Variants in SEZ6L observed in about 807,000 individuals in gnomAD.
SEZ6L encodes the protein seizure 6-like protein.
Under a neutral mutation model 106.2 loss-of-function variants are expected in SEZ6L, and 37 were observed. The observed-to-expected ratio is 0.35, with a 90% confidence interval of 0.27 to 0.46. The LOEUF is 0.46. Ranked by LOEUF, SEZ6L falls within the 20% of genes least tolerant of loss-of-function variation. The pLI, the probability that SEZ6L is intolerant of heterozygous loss-of-function variation, is 1.00. For missense variants in SEZ6L, 1,172 were observed against 1,332.8 expected (o/e 0.88, Z 1.88); for synonymous variants, 541 against 570.4 (o/e 0.95, Z 0.73).
Position 26,351,064 on chromosome 22 carries a change from C to G in SEZ6L, c.2420C>G (p.Thr807Ser). Residue 807 changes from threonine to serine, a missense_variant, in exon 12 of 17, where the codon ACC becomes AGC. Physicochemically the swap from Thr to Ser is moderately conservative, Grantham distance 58. Coordinates refer to ENST00000248933, the MANE Select transcript of SEZ6L (RefSeq NM_021115.5). ...TCATCCCGTGTAGTTATGTACTGCA[C>G]CGACCCCGGAGAGGTGGATCACTCG... ...PPFCEKIMYCTDPGEVDHSTR... is the reference protein window; with the variant it reads ...PPFCEKIMYCSDPGEVDHSTR... 6.2e-7 allele frequency: 1 copy of G among 1,613,626 alleles called. No homozygotes were observed. The highest frequency in any genetic ancestry group is 8.5e-7 in the Non-Finnish European group (1 of 1,179,828).
chr22:26,224,318 G>A (rs1219713408), intron 1 of SEZ6L, among the ~76,000 whole-genome samples: 1 of 152,234 alleles, frequency 6.6e-6, no homozygotes, highest in Non-Finnish European at 1.5e-5. Context: ...GGGGCAGAAG[G>A]AGACCTGAAC....
intron 1 of SEZ6L, among the ~76,000 whole-genome samples, chr22:26,208,565 A>C (rs1446586983): frequency 6.6e-6 from 1 of 152,210 alleles, no homozygotes; most frequent in African/African-American, 2.4e-5. Context: ...GTTTCAACTT[A>C]TCATGCATAT....
intron 1 of SEZ6L, among the ~76,000 whole-genome samples, chr22:26,204,944 C>A (rs533091399): frequency 6.6e-6 from 1 of 152,354 alleles, no homozygotes; most frequent in Non-Finnish European, 1.5e-5. Flanking sequence ...CACTTCAAAC[C>A]TATGTGACAT....
chr22:26,197,093 C>G lies in SEZ6L; in HGVS notation c.94+27330C>G, dbSNP rs545685246. Among the ~76,000 whole-genome samples, 36 of 152,232 alleles carry G rather than the reference C, an allele frequency of 2.4e-4. No homozygotes were observed. In the East Asian group the frequency reaches 4.6e-3, roughly 20 times the overall value. ...TACACCCACTTCCATACAGACACTA[C>G]TTCTTTCACATCATCTTATTTTATT... On this transcript the variant is annotated intron_variant, in intron 1 of 16. Transcript: ENST00000248933.
intron 1 of SEZ6L, among the ~76,000 whole-genome samples, chr22:26,259,390 G>A (rs187633381): frequency 1.3e-5 from 2 of 152,312 alleles, no homozygotes; most frequent in East Asian, 3.9e-4. Context: ...ATCTGAGGAG[G>A]AGAGAAAGGT....
intron 1 of SEZ6L, among the ~76,000 whole-genome samples, chr22:26,254,399 C>G (rs974494): frequency 0.38 from 56,894 of 151,674 alleles, 11,521 homozygotes; most frequent in East Asian, 0.67. Context: ...GAAGCAGAAA[C>G]GGAGAGCAGG....
intron 9 of SEZ6L, among the ~76,000 whole-genome samples, chr22:26,329,108 T>C (rs554347066): frequency 6.6e-6 from 1 of 152,024 alleles, no homozygotes; most frequent in South Asian, 2.1e-4. Flanking sequence ...TTGGTGAATA[T>C]TTTTGGAGAG....
intron 1 of SEZ6L, among the ~76,000 whole-genome samples, chr22:26,175,691 G>C (rs945550092): frequency 1.3e-5 from 2 of 152,182 alleles, no homozygotes; most frequent in Non-Finnish European, 2.9e-5. Flanking sequence ...GAGATTATGT[G>C]ACTGCTTGCA....
chr22:26,283,038 A>G (rs1282628623), intron 1 of SEZ6L, among the ~76,000 whole-genome samples: 1 of 152,068 alleles, frequency 6.6e-6, no homozygotes, highest in East Asian at 1.9e-4. Context: ...CTTCTGCCTC[A>G]GCCTCCTGAG....
chr22:26,331,113 C>T (rs1222836322), intron 9 of SEZ6L, among the ~76,000 whole-genome samples: 1 of 152,242 alleles, frequency 6.6e-6, no homozygotes, highest in East Asian at 1.9e-4. Flanking sequence ...TCCCCACATC[C>T]AGGCTCCTGA....
intron 1 of SEZ6L, among the ~76,000 whole-genome samples, chr22:26,267,422 AC>A (rs922014340): frequency 2.6e-5 from 4 of 152,290 alleles, no homozygotes; most frequent in Non-Finnish European, 5.9e-5. Context: ...ATAACCAAGG[AC>A]CTTTTTGTAG....
chr22:26,348,450 GC>G (rs1279480977), intron 11 of SEZ6L, among the ~76,000 whole-genome samples: 1 of 146,420 alleles, frequency 6.8e-6, no homozygotes, highest in Admixed American at 7.0e-5. Context: ...CTATGATTAT[GC>G]CTCTGCCCTT....
chr22:26,316,205 T>A (rs1341965192), intron 9 of SEZ6L, among the ~76,000 whole-genome samples: 8 of 152,220 alleles, frequency 5.3e-5, no homozygotes, highest in Admixed American at 5.2e-4. Flanking sequence ...CACAATTTTA[T>A]GTGCTGGAAA....
At chr22:26,316,292 GA>G (rs1265694909) in intron 9 of SEZ6L, among the ~76,000 whole-genome samples, 1 of 152,262 alleles carries the variant, frequency 6.6e-6, no homozygotes, top group Non-Finnish European at 1.5e-5. Flanking sequence ...TAACTCTAGG[GA>G]AAAAATTATT....
At chr22:26,229,122 G>A (rs1395244168) in intron 1 of SEZ6L, among the ~76,000 whole-genome samples, 3 of 152,110 alleles carry the variant, frequency 2.0e-5, no homozygotes, top group Non-Finnish European at 2.9e-5. Flanking sequence ...TCAGCCTCCC[G>A]AGTGGCTGGG....
At chr22:26,258,014 C>T (rs1043714425) in intron 1 of SEZ6L, among the ~76,000 whole-genome samples, 61 of 152,260 alleles carry the variant, frequency 4.0e-4, no homozygotes, top group Admixed American at 6.5e-4. Context: ...GCCAGCTGCC[C>T]TTTCCCTCTA....
At chr22:26,364,729 G>A (rs1164749827) in intron 12 of SEZ6L, 4 of 152,278 alleles carry the variant, frequency 2.6e-5, no homozygotes, top group Non-Finnish European at 5.9e-5. Flanking sequence ...GAGGGAAACA[G>A]ATAACTAATT....
chr22:26,228,751 T>C (rs1204770741), intron 1 of SEZ6L, among the ~76,000 whole-genome samples: 2 of 152,148 alleles, frequency 1.3e-5, no homozygotes, highest in African/African-American at 4.8e-5. Context: ...GCCATTGCAA[T>C]GAGGAAATTG....
intron 1 of SEZ6L, among the ~76,000 whole-genome samples, chr22:26,283,001 A>G (rs1225271258): frequency 5.3e-5 from 8 of 151,798 alleles, no homozygotes; most frequent in Non-Finnish European, 7.4e-5. Flanking sequence ...GCTCACTGCA[A>G]CCTCCACCTC....
Sources: gnomAD v4.1 joint callset for allele counts (sites outside exome capture counted in the v4.1 genomes callset) on GRCh38, gnomAD v4.1.1 for gene constraint, MANE v1.5 for transcripts, NCBI Gene and HGNC (gene_info 2026-07-23, HGNC 2026-07-21) for gene names.